The following LANCL2 variants were observed in gnomAD, a reference collection of about 807,000 sequenced individuals.
LANCL2 encodes lanC-like protein 2.
LANCL2 carries 33 observed loss-of-function variants against 56.9 expected under a neutral mutation model. The observed-to-expected ratio is 0.58, with a 90% CI of 0.44 to 0.78. The LOEUF (loss-of-function observed/expected upper bound fraction) is 0.78. Ranked by LOEUF, LANCL2 falls within the 30% of genes least tolerant of loss-of-function variation. The probability of loss-of-function intolerance (pLI) is 0.00; values close to 1 mark genes in which losing one functional copy is unlikely to be tolerated. For missense variants in LANCL2, 562 were observed against 580.2 expected, an observed-to-expected ratio of 0.97 and a Z score of 0.32; for synonymous variants, 233 against 228.2, an observed-to-expected ratio of 1.02 and a Z score of -0.19.
intron 1 of LANCL2, among the ~76,000 whole-genome samples, chr7:55,369,786 A>G (rs1789922772): frequency 6.6e-6 from 1 of 152,188 alleles, no homozygotes; most frequent in Non-Finnish European, 1.5e-5. Flanking sequence ...AACTTAAAGA[A>G]TTGTTATGAA....
intron 1 of LANCL2, among the ~76,000 whole-genome samples, chr7:55,387,370 G>A (rs145105653): frequency 2.3e-3 from 355 of 152,300 alleles, no homozygotes; most frequent in Non-Finnish European, 3.7e-3. Flanking sequence ...TTAGCACTAG[G>A]CCACAATAAC....
chr7:55,383,885 C>G (rs1205134020), intron 1 of LANCL2, among the ~76,000 whole-genome samples: 2 of 152,166 alleles, frequency 1.3e-5, no homozygotes, highest in Non-Finnish European at 2.9e-5. Context: ...AAAGTTAATT[C>G]AGCCAACACC....
Position 55,431,388 on chromosome 7 carries a change from C to T in LANCL2, c.*68C>T. The T allele has an allele frequency of 1.9e-6, 2 of 1,069,020 alleles. No homozygotes were observed. The highest frequency in any genetic ancestry group is 1.4e-5 in the South Asian group (1 of 69,916). The allele number at this position is 1,069,020 out of a possible 1,614,324, so 66.2% of individuals were successfully genotyped here. ...CCACCAGATTGCTTAGTGCCTGACACAGAAACAACTGGGAATCCTGAAAGA... is the reference window on the plus strand; with the variant it reads ...CCACCAGATTGCTTAGTGCCTGACATAGAAACAACTGGGAATCCTGAAAGA... On this transcript the variant is annotated 3_prime_UTR_variant, in exon 9 of 9. Transcript: ENST00000254770.
rs374460024 is a variant in LANCL2, at chr7:55,401,242, G to A, written c.747G>A (p.Pro249=). 561 of 1,613,916 alleles carry A rather than the reference G, an allele frequency of 3.5e-4. 1 individual carries two copies. Among genetic ancestry groups the A allele is most frequent in the Non-Finnish European group, 4.3e-4 (510 of 1,179,914 alleles). The change falls in exon 5 of 9, where the codon CCG becomes CCA. Residue 249 remains proline, a synonymous_variant. Coordinates refer to ENST00000254770, the MANE Select transcript of LANCL2 (RefSeq NM_018697.4). ...SREERKTERC[P]LLYQWHRKQY... ...AAGAAAGAAAAACGGAGCGCTGCCCGCTGTTGTACCAGTGGCACCGGAAGC... is the reference window on the plus strand; with the variant it reads ...AAGAAAGAAAAACGGAGCGCTGCCCACTGTTGTACCAGTGGCACCGGAAGC...
intron 1 of LANCL2, among the ~76,000 whole-genome samples, chr7:55,373,506 G>T (rs1789968746): frequency 6.6e-6 from 1 of 151,872 alleles, no homozygotes. Flanking sequence ...TGTTGCCCAG[G>T]CTAGTCCTGA....
rs1790723891 is a variant in LANCL2 at position 55,431,256 on chromosome 7, A to G, written c.1289A>G (p.Asp430Gly). ...GCTGGCGCTATTCACTTTCTCTCTG[A>G]TGTCCTGGGACCAGAGACATCACGG... ...GMAGAIHFLS[D>G]VLGPETSRFP... is the part of the protein sequence containing the mutation. Residue 430 changes from aspartate to glycine, a missense_variant, in exon 9 of 9, where the codon GAT (aspartate) becomes GGT (glycine). This residue lies in a region of LANCL2 where 378 missense variants were observed against 468.4 expected (regional missense o/e 0.81). Transcript: ENST00000254770. The G allele has an allele frequency of 1.2e-6, 2 of 1,613,684 alleles. No homozygotes were observed. The highest frequency in any genetic ancestry group is 4.5e-5 in the East Asian group (2 of 44,880).
intron 1 of LANCL2, among the ~76,000 whole-genome samples, chr7:55,388,630 A>C (rs1224860214): frequency 6.6e-6 from 1 of 152,226 alleles, no homozygotes; most frequent in Non-Finnish European, 1.5e-5. Context: ...CAGTCCCTTT[A>C]CTACTTTCCT....
At chr7:55,422,945 T>G (rs890176186) in intron 6 of LANCL2, among the ~76,000 whole-genome samples, 2 of 152,202 alleles carry the variant, frequency 1.3e-5, no homozygotes, top group African/African-American at 4.8e-5. Context: ...TCGGGTGCGG[T>G]GGAACAGGGA....
chr7:55,384,030 T>C (rs1270760562), intron 1 of LANCL2, among the ~76,000 whole-genome samples: 3 of 151,882 alleles, frequency 2.0e-5, no homozygotes, highest in African/African-American at 7.3e-5. Flanking sequence ...AGAGAATTAG[T>C]AATTAGTGAA....
intron 1 of LANCL2, among the ~76,000 whole-genome samples, chr7:55,372,231 T>C (rs987965997): frequency 6.6e-6 from 1 of 152,234 alleles, no homozygotes; most frequent in Admixed American, 6.5e-5. Flanking sequence ...GGTAAGATTA[T>C]GGAGAGGGAA....
At chr7:55,373,876 A>G (rs1288307310) in intron 1 of LANCL2, among the ~76,000 whole-genome samples, 1 of 152,250 alleles carries the variant, frequency 6.6e-6, no homozygotes, top group Non-Finnish European at 1.5e-5. Context: ...TTGTAAGGAC[A>G]ACTAGCAGTT....
intron 1 of LANCL2, among the ~76,000 whole-genome samples, chr7:55,390,766 G>C (rs942460024): frequency 4.8e-5 from 7 of 147,140 alleles, no homozygotes; most frequent in Admixed American, 2.7e-4. Flanking sequence ...GAGCGACAGA[G>C]CAAAACTGTC....
intron 3 of LANCL2, 45 bp from the exon 4 acceptor site, chr7:55,399,912 C>A (rs199796422): frequency 1.8e-4 from 275 of 1,559,276 alleles, no homozygotes; most frequent in African/African-American, 5.4e-5. Flanking sequence ...GGAAGAAGTA[C>A]TTTAGACTTC....
chr7:55,386,906 G>GT (rs1489194982), intron 1 of LANCL2, among the ~76,000 whole-genome samples: 1 of 152,210 alleles, frequency 6.6e-6, no homozygotes, highest in East Asian at 1.9e-4. Context: ...TGGGGATTAT[G>GT]TTAGGGTGAA....
In LANCL2 at chr7:55,433,462, G is replaced by A. The variant is rs546832167; in HGVS notation, c.*2142G>A. The A allele has an allele frequency of 6.6e-6, 1 of 152,240 alleles. No individual in the cohort carries two copies. The highest frequency in any genetic ancestry group is 2.4e-5 in the African/African-American group (1 of 41,528). 9.4% of individuals were successfully genotyped at this position (152,240 alleles called of 1,614,324 possible). ...TAACATGTGACAGTAATTCCAGCTC[G>A]GTCCCTCCAGGCAAAGGAGAAACGG... On this transcript the variant is annotated 3_prime_UTR_variant, in exon 9 of 9. Transcript: ENST00000254770.
chr7:55,368,560 ATAT>A lies in LANCL2; in HGVS notation c.204+2333_204+2335del, dbSNP rs557469393. On this transcript the variant is annotated intron_variant, in intron 1 of 8. Transcript: ENST00000254770. ...GAGTTGAACACTGTCTTCCCTATTA[ATAT>A]TTTTTATGATTGACATTAAATTTTT... Among the ~76,000 whole-genome samples, 239 of 152,318 alleles carry A rather than the reference ATAT, an allele frequency of 1.6e-3. 1 individual carries two copies. The highest frequency in any genetic ancestry group is 5.4e-3 in the African/African-American group (223 of 41,566).
At chr7:55,392,705 G>A (rs1790205978) in intron 2 of LANCL2, among the ~76,000 whole-genome samples, 1 of 151,936 alleles carries the variant, frequency 6.6e-6, no homozygotes, top group African/African-American at 2.4e-5. Context: ...AGATGATTTG[G>A]AATTTTATTT....
At chr7:55,401,125 C>T (rs1790317638) in intron 4 of LANCL2, 49 bp from the exon 5 acceptor site, 2 of 1,523,792 alleles carry the variant, frequency 1.3e-6, no homozygotes, top group Non-Finnish European at 1.8e-6. Flanking sequence ...TAGACTACAA[C>T]AGGGTACATA....
At chr7:55,386,425 C>T (rs563978365) in intron 1 of LANCL2, among the ~76,000 whole-genome samples, 1 of 152,286 alleles carries the variant, frequency 6.6e-6, no homozygotes, top group East Asian at 1.9e-4. Context: ...GTTTGGGGGT[C>T]CCTGACTTCC....
Sources: gnomAD v4.1 joint callset for allele counts (sites outside exome capture counted in the v4.1 genomes callset) on GRCh38, gnomAD v4.1.1 for gene constraint, gnomAD v4.1.1 regional missense constraint, MANE v1.5 for transcripts, NCBI Gene and HGNC (gene_info 2026-07-23, HGNC 2026-07-21) for gene names.